The following PTPRD variants were observed in gnomAD, a reference collection of about 807,000 sequenced individuals.
PTPRD encodes receptor-type tyrosine-protein phosphatase delta.
A neutral mutation model predicts 214.5 loss-of-function variants in PTPRD; 34 were observed. The observed-to-expected ratio is 0.16, with a 90% confidence interval of 0.12 to 0.21. PTPRD has a LOEUF of 0.21. PTPRD is among the 10% of genes least tolerant of loss of function. The pLI, the probability that PTPRD is intolerant of heterozygous loss-of-function variation, is 1.00. For missense variants in PTPRD, 2,545 were observed against 2,398.7 expected (o/e 1.06, Z -1.27); for synonymous variants, 1,128 against 845.7 (o/e 1.33, Z -5.79).
intron 2 of PTPRD, among the ~76,000 whole-genome samples, chr9:10,587,080 T>G (rs2074115766): frequency 6.6e-6 from 1 of 152,004 alleles, no homozygotes. Context: ...TAACAACAAA[T>G]CACATGAGGT....
intron 2 of PTPRD, among the ~76,000 whole-genome samples, chr9:10,418,157 A>G (rs1314163996): frequency 3.3e-5 from 5 of 151,818 alleles, no homozygotes; most frequent in Non-Finnish European, 7.4e-5. Context: ...AAGAAGCATA[A>G]TGGTATAATT....
intron 9 of PTPRD, among the ~76,000 whole-genome samples, chr9:9,345,189 T>C (rs1012056046): frequency 2.6e-5 from 4 of 152,174 alleles, no homozygotes; most frequent in African/African-American, 7.2e-5. Context: ...TTCTTTCATA[T>C]GAATATTCTT....
chr9:8,806,850 TAA>T (rs2154521083), intron 11 of PTPRD, among the ~76,000 whole-genome samples: 1 of 152,332 alleles, frequency 6.6e-6, no homozygotes, highest in South Asian at 2.1e-4. Flanking sequence ...GCTACTGTAC[TAA>T]GATTTACTAT....
At chr9:10,442,713 A>G (rs77960273) in intron 2 of PTPRD, among the ~76,000 whole-genome samples, 11,535 of 151,580 alleles carry the variant, frequency 0.076, 711 homozygotes, top group African/African-American at 0.16. Flanking sequence ...GGGGAAAACA[A>G]GGCAAGCATA....
intron 3 of PTPRD, among the ~76,000 whole-genome samples, chr9:10,271,545 T>G (rs546106306): frequency 2.4e-4 from 34 of 143,012 alleles, no homozygotes; most frequent in African/African-American, 8.5e-4. Flanking sequence ...TTTTCTTTTC[T>G]TTTCTTTTTT....
intron 10 of PTPRD, among the ~76,000 whole-genome samples, chr9:9,058,472 A>G (rs377679341): frequency 1.4e-3 from 31 of 22,494 alleles, no homozygotes; most frequent in Non-Finnish European, 5.1e-3. Flanking sequence ...TTTTTTTGAG[A>G]CGGAGTCTCG....
chr9:8,317,464 C>T lies in PTPRD; in HGVS notation c.*410G>A, dbSNP rs186073112. ...ATGGTGGGAAGGGGCGATGTCAAAG[C>T]AGAGTCCGTTTCATTGTGAGAAGCC... On this transcript the variant is annotated 3_prime_UTR_variant, in exon 46 of 46. Transcript: ENST00000381196. 3.0e-3 allele frequency: 730 copies of T among 241,520 alleles called. 7 individuals are homozygous for T. The highest frequency in any genetic ancestry group is 0.014 in the African/African-American group (659 of 45,514). The allele number at this position is 241,520 out of a possible 1,614,324, so 15.0% of individuals were successfully genotyped here.
At chr9:9,114,540 G>C (rs2099810375) in intron 10 of PTPRD, among the ~76,000 whole-genome samples, 1 of 152,012 alleles carries the variant, frequency 6.6e-6, no homozygotes. Flanking sequence ...ACATCAACAT[G>C]AATATTGACA....
chr9:8,908,720 C>A (rs972820808), intron 11 of PTPRD, among the ~76,000 whole-genome samples: 5 of 151,168 alleles, frequency 3.3e-5, no homozygotes, highest in Non-Finnish European at 7.4e-5. Context: ...CCAAAACAAA[C>A]ATAAGAAAGT....
chr9:8,571,637 A>C (rs562819979), intron 14 of PTPRD, among the ~76,000 whole-genome samples: 26 of 152,308 alleles, frequency 1.7e-4, no homozygotes, highest in African/African-American at 6.0e-4. Flanking sequence ...ATTAGAATTT[A>C]TCCTAAATAC....
intron 2 of PTPRD, among the ~76,000 whole-genome samples, chr9:10,361,631 C>T (rs2097394852): frequency 6.6e-6 from 1 of 152,160 alleles, no homozygotes; most frequent in Non-Finnish European, 1.5e-5. Flanking sequence ...CCCATTTCTA[C>T]TTGGAAAAGA....
intron 2 of PTPRD, among the ~76,000 whole-genome samples, chr9:10,478,018 A>G (rs143587365): frequency 1.3e-5 from 2 of 151,900 alleles, no homozygotes; most frequent in African/African-American, 4.8e-5. Flanking sequence ...TAGCACAAAT[A>G]CCTAATGCAT....
intron 10 of PTPRD, among the ~76,000 whole-genome samples, chr9:9,146,391 G>T (rs901343886): frequency 9.2e-5 from 14 of 151,968 alleles, no homozygotes; most frequent in Non-Finnish European, 1.3e-4. Flanking sequence ...TGCAAAATTT[G>T]GGGCCCTAGA....
chr9:8,799,227 T>G (rs896321285), intron 11 of PTPRD, among the ~76,000 whole-genome samples: 3 of 152,218 alleles, frequency 2.0e-5, no homozygotes, highest in Non-Finnish European at 4.4e-5. Flanking sequence ...AGTAGTCTGG[T>G]AGCAATCACT....
In PTPRD at chr9:9,161,916, G is replaced by A. The variant is rs183833010; in HGVS notation, c.-143+21388C>T. ...ATTTTCCTGTACCTTTATGAAATGG[G>A]ACTCAGCACATTAATATATAGTACA... is the stretch of plus-strand genomic sequence containing the variant. On this transcript the variant is annotated intron_variant, in intron 10 of 45. Coordinates refer to ENST00000381196, the MANE Select transcript of PTPRD (RefSeq NM_002839.4). Among the ~76,000 whole-genome samples, 381 of 151,760 alleles carry A rather than the reference G, an allele frequency of 2.5e-3. 2 individuals carry two copies. Among genetic ancestry groups the A allele is most frequent in the Middle Eastern group, 6.8e-3 (2 of 294 alleles).
chr9:10,604,882 G>C (rs961651330), intron 2 of PTPRD, among the ~76,000 whole-genome samples: 3 of 151,796 alleles, frequency 2.0e-5, no homozygotes, highest in African/African-American at 7.3e-5. Flanking sequence ...AGGTATAAAA[G>C]TTTTTTGAAG....
At chr9:10,165,607 C>T (rs957903054) in intron 3 of PTPRD, among the ~76,000 whole-genome samples, 1 of 151,544 alleles carries the variant, frequency 6.6e-6, no homozygotes, top group African/African-American at 2.4e-5. Flanking sequence ...TTTTAAAAGA[C>T]TCAATGCTTT....
chr9:10,308,416 T>C (rs529134577), intron 3 of PTPRD, among the ~76,000 whole-genome samples: 1 of 152,068 alleles, frequency 6.6e-6, no homozygotes, highest in African/African-American at 2.4e-5. Context: ...ATTCCATTAG[T>C]CTATGTGTCT....
Position 9,678,709 on chromosome 9 carries a change from TA to T in PTPRD, c.-287+55823del, listed in dbSNP as rs35306219. Among the ~76,000 whole-genome samples, 81 of 150,164 alleles carry T rather than the reference TA, an allele frequency of 5.4e-4. No individual in the cohort carries two copies. The South Asian group carries it at 0.013, about 25-fold the overall frequency. ...CAATTAGAAGAAAAAAACAAAACTC[TA>T]AAAAAAAATAGCTCTCAGCATAACA... is the stretch of plus-strand genomic sequence containing the variant. On this transcript the variant is annotated intron_variant, in intron 7 of 45. Transcript: ENST00000381196.
Sources: allele counts gnomAD v4.1 joint callset (sites outside exome capture counted in the v4.1 genomes callset), GRCh38; gene constraint gnomAD v4.1.1; transcripts MANE v1.5; gene names NCBI Gene and HGNC (gene_info 2026-07-23, HGNC 2026-07-21).